The following NOS2 variants were observed in gnomAD, a reference collection of about 807,000 sequenced individuals.
NOS2 encodes the protein nitric oxide synthase, inducible.
NOS2 carries 96 observed loss-of-function variants against 136.0 expected under a neutral mutation model. The ratio of observed to expected loss-of-function variants is 0.71; its 90% CI spans 0.60 to 0.84. The LOEUF (loss-of-function observed/expected upper bound fraction) is 0.84, where lower values mean the gene tolerates loss of function less well. NOS2 is among the 40% of genes least tolerant of loss of function. The probability of loss-of-function intolerance (pLI) is 0.00; values close to 1 mark genes in which losing one functional copy is unlikely to be tolerated. For missense variants in NOS2, 1,237 were observed against 1,496.9 expected (o/e 0.83, Z 2.87); for synonymous variants, 539 against 587.5 (o/e 0.92, Z 1.20).
At position 27,778,865 on chromosome 17, in the gene NOS2, T is replaced by G; in HGVS notation, c.1179+17A>C. On this transcript the variant is annotated intron_variant, in intron 10 of 26. Coordinates refer to ENST00000313735, the MANE Select transcript of NOS2 (RefSeq NM_000625.4). ...AGGCCCACACCTTCATCTGGCCAGC[T>G]GGGCTGGCTGGGTTACCTCCAGGAT... 6.2e-7 allele frequency: 1 copy of G among 1,610,266 alleles called. No homozygotes were observed. The highest frequency in any genetic ancestry group is 1.1e-5 in the South Asian group (1 of 90,962).
At chr17:27,779,992 G>T (rs1468862697) in intron 9 of NOS2, among the ~76,000 whole-genome samples, 2 of 152,172 alleles carry the variant, frequency 1.3e-5, no homozygotes, top group East Asian at 3.8e-4. Flanking sequence ...CACCCTCAAG[G>T]AACTTGTAGT....
At chr17:27,774,928 T>C (rs1456699476) in intron 11 of NOS2, among the ~76,000 whole-genome samples, 1 of 152,164 alleles carries the variant, frequency 6.6e-6, no homozygotes, top group Non-Finnish European at 1.5e-5. Flanking sequence ...GTCTGAAGCA[T>C]TGGGAGAACT....
At chr17:27,778,854 A>T (rs781257259) in intron 10 of NOS2, 28 bp downstream of exon 10, 1 of 1,611,616 alleles carries the variant, frequency 6.2e-7, no homozygotes, top group South Asian at 1.1e-5. Context: ...CCACACCTTC[A>T]TCTGGCCAGC....
intron 2 of NOS2, among the ~76,000 whole-genome samples, chr17:27,789,990 A>G (rs1478890330): frequency 6.6e-6 from 1 of 152,238 alleles, no homozygotes. Flanking sequence ...GCCAAGTACA[A>G]ACGTGGCACA....
At chr17:27,765,780 C>A in intron 19 of NOS2, 64 bp from the exon 20 acceptor site, 1 of 1,473,560 alleles carries the variant, frequency 6.8e-7, no homozygotes, top group Admixed American at 2.2e-5. Context: ...CCTTGATGGG[C>A]AGGCGAGATT....
intron 18 of NOS2, 98 bp downstream of exon 18, chr17:27,767,607 T>G: frequency 7.0e-7 from 1 of 1,420,516 alleles, no homozygotes; most frequent in Non-Finnish European, 9.4e-7. Context: ...CGAGGCCAGC[T>G]GTCTCTGTTC....
intron 11 of NOS2, among the ~76,000 whole-genome samples, chr17:27,777,992 G>A (rs1419988826): frequency 6.6e-6 from 1 of 151,466 alleles, no homozygotes; most frequent in Non-Finnish European, 1.5e-5. Context: ...CAGTGATCAT[G>A]CCACTGCATT....
chr17:27,798,810 C>T lies in NOS2; in HGVS notation c.-1G>A, dbSNP rs1481668458. 2.5e-6 allele frequency: 4 copies of T among 1,585,656 alleles called. No homozygotes were observed. The highest frequency in any genetic ancestry group is 2.7e-5 in the African/African-American group (2 of 74,340). ...ACAGAAATTTCCAAGGACAGGCCAT[C>T]TCTATGGCTTTACAAAGCAGGTCAC... On this transcript the variant is annotated 5_prime_UTR_variant, in exon 2 of 27. Coordinates refer to ENST00000313735, the MANE Select transcript of NOS2 (RefSeq NM_000625.4).
In NOS2 at chr17:27,778,553, G is replaced by A. The variant is rs543582052; in HGVS notation, c.1281+137C>T. On this transcript the variant is annotated intron_variant, in intron 11 of 26. Coordinates refer to ENST00000313735, the MANE Select transcript of NOS2 (RefSeq NM_000625.4). The stretch of plus-strand genomic sequence containing the variant: ...CAAGTACAGGGATTGAACAGTCTTG[G>A]GAGGTGAGGAGCTGCCTGTTGCTGG... The A allele has an allele frequency of 3.2e-3, 2,191 of 693,818 alleles. 7 individuals carry two copies. The highest frequency in any genetic ancestry group is 3.6e-3 in the Non-Finnish European group (1,399 of 387,588). 43.0% of individuals were successfully genotyped at this position (693,818 alleles called of 1,614,324 possible). A position where few individuals can be genotyped will look rare whatever the true frequency, so the allele number is the denominator to read the frequency against.
Position 27,757,303 on chromosome 17 carries a change from C to T in NOS2, c.3405G>A (p.Glu1135=), listed in dbSNP as rs201124699. The change falls in exon 27 of 27, where the codon GAG becomes GAA. Residue 1135 remains glutamate (E), a synonymous_variant. Coordinates refer to ENST00000313735, the MANE Select transcript of NOS2 (RefSeq NM_000625.4). The part of the protein sequence containing the change: ...EDIFGAVFPY[E]AKKDRVAVQP... ...GCACCGCCACCCTGTCCTTCTTCGC[C>T]TCGTAAGGAAATACAGCACCAAAGA... 5.0e-6 allele frequency: 8 copies of T among 1,614,046 alleles called. No individual in the cohort carries two copies. Among genetic ancestry groups the T allele is most frequent in the Admixed American group, 1.7e-5 (1 of 59,998 alleles).
At position 27,772,295 on chromosome 17, in the gene NOS2, A is replaced by C; in HGVS notation, c.1704+13T>G. ...AAGCAGAAAAAACAACAGCCATCCC[A>C]CTGAGCCAGTACCTTGGGGTTGAAG... On this transcript the variant is annotated intron_variant, in intron 14 of 26. Transcript: ENST00000313735. 6.2e-7 allele frequency: 1 copy of C among 1,614,014 alleles called. No homozygotes were observed. The highest frequency in any genetic ancestry group is 8.5e-7 in the Non-Finnish European group (1 of 1,180,002).
In NOS2 at chr17:27,782,092, G is replaced by A. The variant is rs771822118; in HGVS notation, c.645C>T (p.Arg215=). ...QWSNLQVFDA[R]SCSTAREMFE... ...ACATTTCCCGGGCAGTGGAACAGCT[G>A]CGGGCATCGAAGACCTGCAACAGCC... Residue 215 remains arginine (R), a synonymous_variant, in exon 7 of 27, where the codon CGC becomes CGT. Transcript: ENST00000313735. 1 of 1,614,080 alleles carries A rather than the reference G, an allele frequency of 6.2e-7. No individual in the cohort carries two copies. The highest frequency in any genetic ancestry group is 1.1e-5 in the South Asian group (1 of 91,032).
At chr17:27,796,609 G>T (rs577206064) in intron 2 of NOS2, among the ~76,000 whole-genome samples, 1 of 152,300 alleles carries the variant, frequency 6.6e-6, no homozygotes, top group South Asian at 2.1e-4. Flanking sequence ...TTTGGGTAGG[G>T]TGCTCGCTCA....
At chr17:27,765,921 G>C (rs1213675612) in intron 19 of NOS2, among the ~76,000 whole-genome samples, 1 of 152,208 alleles carries the variant, frequency 6.6e-6, no homozygotes, top group Non-Finnish European at 1.5e-5. Context: ...CCTCTGGGGA[G>C]GAGGGGGGCC....
intron 2 of NOS2, among the ~76,000 whole-genome samples, chr17:27,793,365 T>C (rs954097947): frequency 1.6e-4 from 25 of 152,326 alleles, no homozygotes; most frequent in African/African-American, 5.3e-4. Flanking sequence ...TGAACCCGCA[T>C]AGACGCCTCT....
Position 27,794,744 on chromosome 17 carries a change from A to C in NOS2, c.110+3956T>G, listed in dbSNP as rs1597561012. Among the ~76,000 whole-genome samples the C allele has an allele frequency of 2.0e-5, 3 of 150,804 alleles. No homozygotes were observed. In the East Asian group the frequency reaches 5.8e-4, roughly 29 times the overall value. On this transcript the variant is annotated intron_variant, in intron 2 of 26. Transcript: ENST00000313735. ...CACACACACACACACACACACACACACACCATGCTCATTTCCTAATTGTTT... is the reference window on the plus strand; with the variant it reads ...CACACACACACACACACACACACACCCACCATGCTCATTTCCTAATTGTTT...
In NOS2 at chr17:27,760,055, T is replaced by C. The variant is rs377638076; in HGVS notation, c.3134A>G (p.Tyr1045Cys). 9 of 1,568,038 alleles carry C rather than the reference T, an allele frequency of 5.7e-6. No homozygotes were observed. The highest frequency in any genetic ancestry group is 3.8e-5 in the Admixed American group (2 of 51,952). ...CTTGGGCTTGCCAGGCAGGCGGGAATAGGCTGTGTGCACCGCATGCAGCAC... is the reference window on the plus strand; with the variant it reads ...CTTGGGCTTGCCAGGCAGGCGGGAACAGGCTGTGTGCACCGCATGCAGCAC... ...KGVLHAVHTA[Y>C]SRLPGKPKVY... Residue 1045 changes from tyrosine (Y) to cysteine (C), a missense_variant, in exon 25 of 27, where the codon TAT becomes TGT. By Grantham distance (194) the Tyr-to-Cys change is radical (BLOSUM62 -2). Around this residue, in one of 3 missense-constraint regions of NOS2, gnomAD observed 782 missense variants for 909.9 expected, o/e 0.86. Transcript: ENST00000313735.
intron 1 of NOS2, among the ~76,000 whole-genome samples, chr17:27,799,998 A>G (rs1909481554): frequency 6.6e-6 from 1 of 152,218 alleles, no homozygotes; most frequent in Non-Finnish European, 1.5e-5. Context: ...TGGGTTTAAT[A>G]TATCCATCTT....
intron 14 of NOS2, 119 bp from the exon 15 acceptor site, chr17:27,771,136 G>A: frequency 1.4e-6 from 1 of 698,130 alleles, no homozygotes; most frequent in Non-Finnish European, 2.5e-6. Flanking sequence ...GTGCTCATCT[G>A]TCTCTCCCAG....
Sources: allele counts gnomAD v4.1 joint callset (sites outside exome capture counted in the v4.1 genomes callset), GRCh38; gene constraint gnomAD v4.1.1; regional missense constraint gnomAD v4.1.1; transcripts MANE v1.5; gene names NCBI Gene and HGNC (gene_info 2026-07-23, HGNC 2026-07-21).